PCDHA1: variants seen among roughly 807,000 people sequenced by gnomAD.
PCDHA1 encodes protocadherin alpha-1.
A neutral mutation model predicts 61.3 loss-of-function variants in PCDHA1; 42 were observed. The observed-to-expected ratio is 0.69, with a 90% confidence interval of 0.54 to 0.89. The LOEUF (loss-of-function observed/expected upper bound fraction) is 0.89, where lower values mean the gene tolerates loss of function less well. PCDHA1 is among the 40% of genes least tolerant of loss of function. PCDHA1 has a pLI of 0.00. For missense variants in PCDHA1, 1,256 were observed against 1,235.3 expected, an observed-to-expected ratio of 1.02 and a Z score of -0.25; for synonymous variants, 610 against 553.8, an observed-to-expected ratio of 1.10 and a Z score of -1.43.
At chr5:140,900,456 T>C (rs902615387) in intron 1 of PCDHA1, among the ~76,000 whole-genome samples, 3 of 152,210 alleles carry the variant, frequency 2.0e-5, no homozygotes, top group Non-Finnish European at 2.9e-5. Flanking sequence ...TTTTTATTTT[T>C]AGTAGACACG....
chr5:140,801,260 C>CG (rs1762667788), intron 1 of PCDHA1: 1 of 1,613,750 alleles, frequency 6.2e-7, no homozygotes, highest in East Asian at 2.2e-5. Flanking sequence ...TTCTGCTCCT[C>CG]GCAGCCTCGG....
chr5:140,830,371 CG>C (rs1771026985), intron 1 of PCDHA1: 1 of 1,614,120 alleles, frequency 6.2e-7, no homozygotes, highest in Non-Finnish European at 8.5e-7. Flanking sequence ...GGGTGTGCTC[CG>C]GGGAGGGCCC....
chr5:140,944,984 T>A (rs972607288), intron 1 of PCDHA1, among the ~76,000 whole-genome samples: 6 of 152,184 alleles, frequency 3.9e-5, no homozygotes, highest in Non-Finnish European at 8.8e-5. Context: ...GTGGGTCTAC[T>A]TCTGTAACGG....
chr5:140,927,530 GC>G, intron 1 of PCDHA1: 1 of 1,614,080 alleles, frequency 6.2e-7, no homozygotes, highest in Non-Finnish European at 8.5e-7. Flanking sequence ...CTACCTGCCC[GC>G]TCAGGAGACG....
chr5:140,801,268 C>G (rs782368455), intron 1 of PCDHA1: 40 of 1,613,606 alleles, frequency 2.5e-5, no homozygotes, highest in Non-Finnish European at 2.7e-5. Context: ...CTCGCAGCCT[C>G]GGAGGTGGGG....
intron 1 of PCDHA1, chr5:140,795,808 G>C (rs782626454): frequency 1.2e-6 from 2 of 1,612,920 alleles, no homozygotes; most frequent in African/African-American, 2.7e-5. Flanking sequence ...GTATTCACTC[G>C]GTAGTGATGT....
chr5:140,801,694 C>T (rs35124371), intron 1 of PCDHA1: 4 of 1,614,116 alleles, frequency 2.5e-6, no homozygotes, highest in Admixed American at 3.3e-5. Flanking sequence ...GGAACAAATT[C>T]GTTGTTGACT....
At chr5:140,829,867 G>T (rs2150176588) in intron 1 of PCDHA1, 1 of 1,613,948 alleles carries the variant, frequency 6.2e-7, no homozygotes, top group Non-Finnish European at 8.5e-7. Flanking sequence ...AAGTGGTGGC[G>T]AAGGTGCGCG....
At chr5:140,823,082 C>A (rs1171267979) in intron 1 of PCDHA1, 1 of 1,613,782 alleles carries the variant, frequency 6.2e-7, no homozygotes, top group Non-Finnish European at 8.5e-7. Flanking sequence ...TCGCTGTGGG[C>A]CACCGCCAGC....
intron 1 of PCDHA1, among the ~76,000 whole-genome samples, chr5:140,962,908 C>G (rs2095718284): frequency 1.3e-5 from 2 of 152,146 alleles, no homozygotes. Context: ...AGCTCCTTCC[C>G]TATTTGACAG....
At position 140,808,956 on chromosome 5, in the gene PCDHA1, T is replaced by C. The variant is rs781916233; in HGVS notation, c.2394+20272T>C. Reference sequence around the variant, plus strand: ...CCATGGTCGGTGGGTGTGGGCCACGTGGTGGCAAAGGTGCGCGCGGTGGAT... The same window carrying C: ...CCATGGTCGGTGGGTGTGGGCCACGCGGTGGCAAAGGTGCGCGCGGTGGAT... On this transcript the variant is annotated intron_variant, in intron 1 of 3. Coordinates refer to ENST00000504120, the MANE Select transcript of PCDHA1 (RefSeq NM_018900.4). The C allele has an allele frequency of 1.2e-5, 19 of 1,613,408 alleles. No individual in the cohort carries two copies. In the Admixed American group the frequency reaches 2.3e-4, roughly 20 times the overall value.
At chr5:140,954,007 C>T (rs1277033706) in intron 1 of PCDHA1, among the ~76,000 whole-genome samples, 4 of 152,144 alleles carry the variant, frequency 2.6e-5, no homozygotes, top group Non-Finnish European at 4.4e-5. Flanking sequence ...CATCATTCAG[C>T]TCCCACACAT....
At chr5:140,997,720 G>C (rs973128921) in intron 3 of PCDHA1, among the ~76,000 whole-genome samples, 1 of 151,568 alleles carries the variant, frequency 6.6e-6, no homozygotes, top group African/African-American at 2.4e-5. Flanking sequence ...ACCTTTCTAC[G>C]TCAGTACATA....
chr5:140,929,308 G>A, intron 1 of PCDHA1: 3 of 1,569,682 alleles, frequency 1.9e-6, no homozygotes, highest in East Asian at 2.3e-5. Context: ...AGGGGATCAC[G>A]CTAATGTCAA....
At chr5:140,820,449 C>T (rs1175800232) in intron 1 of PCDHA1, among the ~76,000 whole-genome samples, 3 of 151,732 alleles carry the variant, frequency 2.0e-5, no homozygotes, top group Non-Finnish European at 4.4e-5. Context: ...TCTCTTGGTC[C>T]CTCTTGTCTT....
At chr5:140,968,419 T>C (rs372766707) in intron 1 of PCDHA1, 37 of 1,613,898 alleles carry the variant, frequency 2.3e-5, no homozygotes, top group Non-Finnish European at 3.0e-5. Context: ...CTGTGGAGGC[T>C]CAGGACAAGG....
At chr5:140,967,970 C>T (rs2096204544) in intron 1 of PCDHA1, 2 of 1,614,202 alleles carry the variant, frequency 1.2e-6, no homozygotes, top group South Asian at 2.2e-5. Context: ...GAAAGTGAGC[C>T]TGGGTCTGGA....
intron 1 of PCDHA1, among the ~76,000 whole-genome samples, chr5:140,949,674 C>G (rs2153687219): frequency 6.6e-6 from 1 of 151,738 alleles, no homozygotes; most frequent in South Asian, 2.1e-4. Context: ...AAAGTATGCC[C>G]TTGTTGAAGC....
rs1554119635 is a variant in PCDHA1 at position 140,795,985 on chromosome 5, G to A, written c.2394+7301G>A. 2.5e-6 allele frequency: 4 copies of A among 1,614,088 alleles called. No homozygotes were observed. In the South Asian group the frequency reaches 3.3e-5, roughly 13 times the overall value. ...ACATTGTAAAATTTCATTAAAACTTGTGGACATCAATGATAACACACCAGA... is the reference window on the plus strand; with the variant it reads ...ACATTGTAAAATTTCATTAAAACTTATGGACATCAATGATAACACACCAGA... On this transcript the variant is annotated intron_variant, in intron 1 of 3. Transcript: ENST00000504120.
Sources: gnomAD v4.1 joint callset for allele counts (sites outside exome capture counted in the v4.1 genomes callset) on GRCh38, gnomAD v4.1.1 for gene constraint, MANE v1.5 for transcripts, NCBI Gene and HGNC (gene_info 2026-07-23, HGNC 2026-07-21) for gene names.